Variants in ANKRD12 observed in about 807,000 individuals in gnomAD.
The protein encoded by ANKRD12 is ankyrin repeat domain-containing protein 12.
Under a neutral mutation model 183.4 loss-of-function variants are expected in ANKRD12, and 85 were observed. The observed-to-expected ratio is 0.46, with a 90% CI of 0.39 to 0.56. The LOEUF (loss-of-function observed/expected upper bound fraction) is 0.56, where lower values mean the gene tolerates loss of function less well. Among genes scored for constraint, ANKRD12 ranks in the 20% least tolerant of loss-of-function variants. The pLI, the probability that ANKRD12 is intolerant of heterozygous loss-of-function variation, is 0.00. For missense variants in ANKRD12, 2,405 were observed against 2,357.1 expected, an observed-to-expected ratio of 1.02 and a Z score of -0.42; for synonymous variants, 914 against 800.2, an observed-to-expected ratio of 1.14 and a Z score of -2.40.
intron 10 of ANKRD12, among the ~76,000 whole-genome samples, chr18:9,264,786 C>T (rs1177842642): frequency 6.6e-6 from 1 of 152,088 alleles, no homozygotes; most frequent in Non-Finnish European, 1.5e-5. Context: ...TTGAAACCAC[C>T]TAGTATATAT....
chr18:9,217,264 T>A (rs549124185), intron 7 of ANKRD12, among the ~76,000 whole-genome samples: 1 of 152,294 alleles, frequency 6.6e-6, no homozygotes, highest in East Asian at 1.9e-4. Flanking sequence ...GAGACAAAAA[T>A]AGAATTTGGA....
chr18:9,173,004 A>G (rs2032892715), intron 1 of ANKRD12, among the ~76,000 whole-genome samples: 1 of 148,866 alleles, frequency 6.7e-6, no homozygotes, highest in South Asian at 2.1e-4. Context: ...TGATCTGCCC[A>G]TTTCAGTCTC....
chr18:9,246,775 C>T (rs529942278), intron 8 of ANKRD12, among the ~76,000 whole-genome samples: 1 of 152,252 alleles, frequency 6.6e-6, no homozygotes, highest in African/African-American at 2.4e-5. Flanking sequence ...TACTATTTAT[C>T]ACATGCATGG....
At chr18:9,263,931 T>C (rs769429816) in intron 10 of ANKRD12, 43 bp downstream of exon 10, 1 of 1,281,790 alleles carries the variant, frequency 7.8e-7, no homozygotes, top group Admixed American at 2.7e-5. Context: ...AAATAACTGG[T>C]TTCTAGCAAT....
intron 3 of ANKRD12, among the ~76,000 whole-genome samples, chr18:9,196,467 AC>A (rs1163654385): frequency 3.3e-5 from 5 of 152,144 alleles, no homozygotes; most frequent in African/African-American, 1.2e-4. Context: ...TTAATAATGA[AC>A]TGTTCTTAAA....
chr18:9,160,436 C>T (rs747349831), intron 1 of ANKRD12, among the ~76,000 whole-genome samples: 2 of 149,596 alleles, frequency 1.3e-5, no homozygotes, highest in African/African-American at 2.5e-5. Context: ...GTATATAATC[C>T]AGTGGTTTTT....
intron 8 of ANKRD12, among the ~76,000 whole-genome samples, chr18:9,244,487 A>G (rs1277335086): frequency 6.6e-6 from 1 of 152,144 alleles, no homozygotes; most frequent in African/African-American, 2.4e-5. Context: ...GCCCAGCTCT[A>G]ACTCAAGATT....
intron 7 of ANKRD12, among the ~76,000 whole-genome samples, chr18:9,217,548 G>A (rs1207122000): frequency 1.1e-4 from 17 of 152,068 alleles, no homozygotes; most frequent in African/African-American, 2.4e-5. Flanking sequence ...AATTAAAAAT[G>A]CTATTTTTCT....
chr18:9,275,619 T>C lies in ANKRD12; in HGVS notation c.5859T>C (p.Cys1953=), dbSNP rs373495883. Residue 1953 remains cysteine (C), a synonymous_variant, in exon 11 of 13, where the codon TGT becomes TGC. Coordinates refer to ENST00000262126, the MANE Select transcript of ANKRD12 (RefSeq NM_015208.5). ...LANQTLPFSA[C]TVLLDAEVYN... is the part of the protein sequence containing the mutation. ...ATCAAACACTGCCATTTAGTGCTTG[T>C]ACTGTTTTGCTGGATGCCGAAGTAT... The C allele has an allele frequency of 1.3e-5, 21 of 1,607,854 alleles. No individual in the cohort carries two copies. In the African/African-American group the frequency reaches 1.5e-4, roughly 11 times the overall value.
intron 1 of ANKRD12, among the ~76,000 whole-genome samples, chr18:9,161,925 C>T (rs1248348517): frequency 6.6e-6 from 1 of 151,902 alleles, no homozygotes; most frequent in Admixed American, 6.6e-5. Context: ...TGCAGTGACA[C>T]AATCATAGCT....
rs750820801 is a variant in ANKRD12 at position 9,216,918 on chromosome 18, AAATC to A, written c.795+22_795+25del. On this transcript the variant is annotated intron_variant, in intron 7 of 12. Coordinates refer to ENST00000262126, the MANE Select transcript of ANKRD12 (RefSeq NM_015208.5). ...ACAGAGATGTAAGTATGATAGAAAA[AAATC>A]AATAATACACATTTGCAAAATATAA... 6.2e-7 allele frequency: 1 copy of A among 1,606,588 alleles called. No homozygotes were observed. Among genetic ancestry groups the A allele is most frequent in the African/African-American group, 1.3e-5 (1 of 74,654 alleles).
Position 9,258,291 on chromosome 18 carries a change from G to A in ANKRD12, c.5024G>A (p.Ser1675Asn). ...NEQDPKHCPE[S>N]EKCLLSIEDE... ...CAAGATCCAAAACATTGTCCTGAAA[G>A]TGAAAAGTGTTTGCTTTCCATAGAA... The change falls in exon 9 of 13, where the codon AGT becomes AAT. Residue 1675 changes from serine to asparagine, a missense_variant. Ser to Asn is a conservative substitution (Grantham distance 46). This residue lies in a region of ANKRD12 where 1,983 missense variants were observed against 1,725.9 expected (regional missense o/e 1.15). Coordinates refer to ENST00000262126, the MANE Select transcript of ANKRD12 (RefSeq NM_015208.5). The A allele has an allele frequency of 6.2e-7, 1 of 1,613,710 alleles. No individual in the cohort carries two copies. The highest frequency in any genetic ancestry group is 8.5e-7 in the Non-Finnish European group (1 of 1,179,922).
At chr18:9,182,866 C>T (rs2033799566) in intron 2 of ANKRD12, among the ~76,000 whole-genome samples, 1 of 152,196 alleles carries the variant, frequency 6.6e-6, no homozygotes, top group South Asian at 2.1e-4. Context: ...TCAGAACCTT[C>T]GTTTGGACTC....
intron 5 of ANKRD12, among the ~76,000 whole-genome samples, 169 bp from the exon 6 acceptor site, chr18:9,211,415 C>T (rs947298851): frequency 6.6e-6 from 1 of 152,060 alleles, no homozygotes; most frequent in Non-Finnish European, 1.5e-5. Context: ...AAGGGAAGAT[C>T]TCTGTGTATT....
intron 3 of ANKRD12, 49 bp downstream of exon 3, chr18:9,195,747 C>T (rs1361417324): frequency 1.1e-5 from 18 of 1,571,272 alleles, no homozygotes; most frequent in Non-Finnish European, 1.4e-5. Flanking sequence ...TTCTTTAATT[C>T]TGATTTTTGT....
At chr18:9,137,552 G>A (rs1356743916) in intron 1 of ANKRD12, 4 of 149,858 alleles carry the variant, frequency 2.7e-5, no homozygotes, top group African/African-American at 7.3e-5. Flanking sequence ...CCGACGCCGG[G>A]GAGTCTGCCG....
chr18:9,138,361 A>G (rs1241182256), intron 1 of ANKRD12, among the ~76,000 whole-genome samples: 1 of 152,062 alleles, frequency 6.6e-6, no homozygotes, highest in Non-Finnish European at 1.5e-5. Context: ...TAAATATACA[A>G]AATTAGCCAG....
chr18:9,218,389 C>T (rs139407639), intron 7 of ANKRD12, among the ~76,000 whole-genome samples: 4 of 152,072 alleles, frequency 2.6e-5, no homozygotes, highest in East Asian at 1.9e-4. Context: ...TTTACTTGTG[C>T]GTTAGGAGGA....
intron 9 of ANKRD12, among the ~76,000 whole-genome samples, chr18:9,262,459 A>T (rs1461128166): frequency 2.0e-5 from 3 of 151,956 alleles, no homozygotes; most frequent in Non-Finnish European, 4.4e-5. Context: ...TTTTGTTTTT[A>T]GTTTTGTTTT....
Sources: allele counts gnomAD v4.1 joint callset (sites outside exome capture counted in the v4.1 genomes callset), GRCh38; gene constraint gnomAD v4.1.1; regional missense constraint gnomAD v4.1.1; transcripts MANE v1.5; gene names NCBI Gene and HGNC (gene_info 2026-07-23, HGNC 2026-07-21).